MKRN2: variants seen among roughly 807,000 people sequenced by gnomAD.
MKRN2 encodes the protein makorin ring finger protein 2, also known as E3 ubiquitin-protein ligase makorin-2.
MKRN2 carries 32 observed loss-of-function variants against 45.4 expected under a neutral mutation model. The observed-to-expected ratio is 0.70, with a 90% confidence interval of 0.53 to 0.95. MKRN2 has a LOEUF of 0.95. Ranked by LOEUF, MKRN2 falls within the 40% of genes least tolerant of loss-of-function variation. The pLI is 0.00. For synonymous variants in MKRN2, 206 were observed against 192.4 expected (o/e 1.07, Z -0.59); for missense variants, 526 against 536.7 (o/e 0.98, Z 0.20).
intron 4 of MKRN2, among the ~76,000 whole-genome samples, chr3:12,573,237 G>A (rs2125305033): frequency 6.6e-6 from 1 of 152,192 alleles, no homozygotes; most frequent in South Asian, 2.1e-4. Flanking sequence ...ATAAGAGGCG[G>A]GGGAGGGCCA....
Position 12,579,580 on chromosome 3 carries a change from C to T in MKRN2, c.969-2228C>T, listed in dbSNP as rs550889945. ...CAACAGAGAAAGCACTTGGATCCAC[C>T]GGGGGCTGCCAGGGGAAGCAGCATG... On this transcript the variant is annotated intron_variant, in intron 6 of 7. Transcript: ENST00000170447. 7.2e-5 allele frequency among the ~76,000 whole-genome samples: 11 copies of T among 152,274 alleles called. No homozygotes were observed. The East Asian group carries it at 7.7e-4, about 11-fold the overall frequency.
At chr3:12,573,766 G>A (rs1048643858) in intron 4 of MKRN2, among the ~76,000 whole-genome samples, 10 of 151,750 alleles carry the variant, frequency 6.6e-5, no homozygotes, top group East Asian at 1.9e-4. Flanking sequence ...GGTGGCGGGC[G>A]CCTGTAGTCC....
chr3:12,570,966 C>G (rs2058094842), intron 3 of MKRN2, among the ~76,000 whole-genome samples: 1 of 151,110 alleles, frequency 6.6e-6, no homozygotes, highest in Non-Finnish European at 1.5e-5. Flanking sequence ...AGTGAATGGT[C>G]TTAGTTTTTA....
chr3:12,582,358 G>C lies in MKRN2; in HGVS notation c.*105G>C, dbSNP rs1180236900. Reference sequence around the variant, plus strand: ...TGCAGCCAAGGTGACGTGTGACTTGGATTTGAGTGGAGTTGGGCTTAGCCT... The same window carrying C: ...TGCAGCCAAGGTGACGTGTGACTTGCATTTGAGTGGAGTTGGGCTTAGCCT... On this transcript the variant is annotated 3_prime_UTR_variant, in exon 8 of 8. Coordinates refer to ENST00000170447, the MANE Select transcript of MKRN2 (RefSeq NM_014160.5). 18 of 1,441,672 alleles carry C rather than the reference G, an allele frequency of 1.2e-5. No individual in the cohort carries two copies. The highest frequency in any genetic ancestry group is 1.6e-5 in the Non-Finnish European group (17 of 1,045,538). The allele number at this position is 1,441,672 out of a possible 1,614,324, so 89.3% of individuals were successfully genotyped here.
At chr3:12,559,084 G>T (rs1452220262) in intron 1 of MKRN2, among the ~76,000 whole-genome samples, 2 of 152,120 alleles carry the variant, frequency 1.3e-5, no homozygotes, top group African/African-American at 4.8e-5. Flanking sequence ...CTTTTAATGT[G>T]TTCCCATGAA....
chr3:12,575,286 A>G (rs1324966351), intron 5 of MKRN2, among the ~76,000 whole-genome samples: 3 of 152,210 alleles, frequency 2.0e-5, no homozygotes, highest in African/African-American at 2.4e-5. Context: ...ACCTGTTTTC[A>G]TCTCCTAGCC....
At chr3:12,580,456 G>GC (rs2058169881) in intron 6 of MKRN2, among the ~76,000 whole-genome samples, 1 of 36,302 alleles carries the variant, frequency 2.8e-5, no homozygotes, top group African/African-American at 9.5e-5. Context: ...CTACCCCCCC[G>GC]CCACCACCCC....
At chr3:12,575,518 T>C (rs762924391) in intron 5 of MKRN2, among the ~76,000 whole-genome samples, 2 of 152,216 alleles carry the variant, frequency 1.3e-5, no homozygotes, top group Non-Finnish European at 2.9e-5. Context: ...AGAGCTGGCA[T>C]GTGGAGAGGT....
At chr3:12,560,102 C>T (rs952342495) in intron 1 of MKRN2, among the ~76,000 whole-genome samples, 10 of 152,138 alleles carry the variant, frequency 6.6e-5, no homozygotes, top group African/African-American at 2.4e-4. Flanking sequence ...ACCGGCAGGG[C>T]TGTTTAAAAA....
chr3:12,562,909 TATTTC>T (rs765911152), intron 1 of MKRN2, among the ~76,000 whole-genome samples: 1 of 152,102 alleles, frequency 6.6e-6, no homozygotes, highest in African/African-American at 2.4e-5. Flanking sequence ...GTTGTATACT[TATTTC>T]ATTATATATT....
intron 6 of MKRN2, among the ~76,000 whole-genome samples, chr3:12,579,602 C>T (rs1268770475): frequency 2.0e-5 from 3 of 152,172 alleles, no homozygotes; most frequent in Non-Finnish European, 4.4e-5. Flanking sequence ...GGGGAAGCAG[C>T]ATGGGAGCCT....
intron 1 of MKRN2, among the ~76,000 whole-genome samples, chr3:12,567,481 C>CTTTTTTTTTT (rs35726193): frequency 1.3e-5 from 1 of 76,976 alleles, no homozygotes. Context: ...GCTAGTTTAT[C>CTTTTTTTTTT]TTTTTTTTTT....
In MKRN2 at chr3:12,572,383, CA is replaced by C; in HGVS notation, c.642+13del. On this transcript the variant is annotated intron_variant, in intron 4 of 7. Transcript: ENST00000170447. The stretch of plus-strand genomic sequence containing the variant: ...GAAGGCTCATGAAAAGGTAAAGTCA[CA>C]AACCTTTGCATGAACTCATGTTAAG... The C allele has an allele frequency of 1.3e-6, 2 of 1,544,276 alleles. No homozygotes were observed. Among genetic ancestry groups the C allele is most frequent in the African/African-American group, 1.4e-5 (1 of 73,198 alleles).
rs1278288400 is a variant in MKRN2 at position 12,574,908 on chromosome 3, G to A, written c.759G>A (p.Glu253=). 4.3e-6 allele frequency: 7 copies of A among 1,614,254 alleles called. No homozygotes were observed. Among genetic ancestry groups the A allele is most frequent in the Admixed American group, 1.7e-5 (1 of 60,034 alleles). ...EVILEKASAS[E]RRFGILSNCN... ...TCCTGGAGAAGGCCTCTGCTTCTGA[G>A]AGGAGATTTGGGATTCTCTCCAATT... Residue 253 remains glutamate, a synonymous_variant, in exon 5 of 8, where the codon GAG becomes GAA. Coordinates refer to ENST00000170447, the MANE Select transcript of MKRN2 (RefSeq NM_014160.5).
intron 4 of MKRN2, among the ~76,000 whole-genome samples, chr3:12,574,000 G>C (rs2058116001): frequency 6.6e-6 from 1 of 152,034 alleles, no homozygotes. Context: ...TGGCCTCCCA[G>C]AGTAATGGGA....
At chr3:12,581,220 G>C (rs977614500) in intron 6 of MKRN2, among the ~76,000 whole-genome samples, 4 of 152,214 alleles carry the variant, frequency 2.6e-5, no homozygotes, top group African/African-American at 9.6e-5. Context: ...GAAAAACACT[G>C]TTCAGAGAAG....
intron 1 of MKRN2, among the ~76,000 whole-genome samples, chr3:12,564,357 A>G (rs1208424805): frequency 6.6e-6 from 1 of 152,236 alleles, no homozygotes; most frequent in Non-Finnish European, 1.5e-5. Context: ...CTGCACCATT[A>G]GCTGTTTTAT....
intron 6 of MKRN2, 125 bp from the exon 7 acceptor site, chr3:12,581,683 C>A: frequency 9.8e-7 from 1 of 1,023,480 alleles, no homozygotes; most frequent in Non-Finnish European, 1.5e-6. Context: ...CCTCAGCTGC[C>A]CCACCTAGAA....
chr3:12,575,199 A>G (rs1176917790), intron 5 of MKRN2, among the ~76,000 whole-genome samples, 193 bp downstream of exon 5: 1 of 152,166 alleles, frequency 6.6e-6, no homozygotes, highest in Non-Finnish European at 1.5e-5. Context: ...ATGGGCAACA[A>G]TTCCTACCAA....
Sources: allele counts gnomAD v4.1 joint callset (sites outside exome capture counted in the v4.1 genomes callset), GRCh38; gene constraint gnomAD v4.1.1; transcripts MANE v1.5; gene names NCBI Gene and HGNC (gene_info 2026-07-23, HGNC 2026-07-21).